ABCA3: variants seen among roughly 807,000 people sequenced by gnomAD.
ABCA3 encodes the protein phospholipid-transporting ATPase ABCA3.
ABCA3 carries 88 observed loss-of-function variants against 172.8 expected under a neutral mutation model. The observed-to-expected ratio is 0.51, with a 90% confidence interval of 0.43 to 0.61. ABCA3 has a LOEUF of 0.61. ABCA3 is among the 20% of genes least tolerant of loss of function. The probability of loss-of-function intolerance (pLI) is 0.00; values close to 1 mark genes in which losing one functional copy is unlikely to be tolerated. For missense variants in ABCA3, 2,164 were observed against 2,301.0 expected (o/e 0.94, Z 1.22); for synonymous variants, 1,066 against 983.8 (o/e 1.08, Z -1.56).
rs1006584887 is a variant in ABCA3 at position 2,329,873 on chromosome 16, T to G, written c.-538-19A>C. 1 of 152,188 alleles carries G rather than the reference T, an allele frequency of 6.6e-6. No homozygotes were observed. The highest frequency in any genetic ancestry group is 1.5e-5 in the Non-Finnish European group (1 of 68,038). 9.4% of individuals were successfully genotyped at this position (152,188 alleles called of 1,614,324 possible). ...CCAGCACCTTTGGACAGATGGAAGG[T>G]GTTTGAGTGTAATTTGGAAAATAAT... On this transcript the variant is annotated intron_variant, in intron 1 of 32. Coordinates refer to ENST00000301732, the MANE Select transcript of ABCA3 (RefSeq NM_001089.3).
At chr16:2,280,208 C>A (rs1488060237) in intron 28 of ABCA3, among the ~76,000 whole-genome samples, 1 of 152,232 alleles carries the variant, frequency 6.6e-6, no homozygotes, top group African/African-American at 2.4e-5. Context: ...GGTTTTCTCT[C>A]CCCTGCATAG....
chr16:2,289,761 T>A, intron 19 of ABCA3, 141 bp from the exon 20 acceptor site: 2 of 853,508 alleles, frequency 2.3e-6, no homozygotes, highest in Non-Finnish European at 3.6e-6. Context: ...GTTTCCTCAC[T>A]CATCAGTGTC....
chr16:2,303,404 G>A (rs1284227158), intron 12 of ABCA3, among the ~76,000 whole-genome samples: 2 of 151,894 alleles, frequency 1.3e-5, no homozygotes, highest in Non-Finnish European at 2.9e-5. Flanking sequence ...TGGGACTACA[G>A]GCACCCGCCA....
rs2093660381 is a variant in ABCA3, at chr16:2,284,891, G to A, written c.3591C>T (p.Tyr1197=). ...CCCCCAAGAAGAAGAAGTTCATCAG[G>A]TACATGAGGGGGATGATGGCCCAGC... ...LYGWAIIPLM[Y]LMNFFFLGAA... is the part of the protein sequence containing the mutation. Residue 1197 remains tyrosine, a synonymous_variant, in exon 24 of 33, where the codon TAC becomes TAT. Coordinates refer to ENST00000301732, the MANE Select transcript of ABCA3 (RefSeq NM_001089.3). This position sits in a 1 kb window ranked among gnomAD's most constrained non-coding sequence, Gnocchi z 5.9. 6.2e-7 allele frequency: 1 copy of A among 1,613,930 alleles called. No individual in the cohort carries two copies. Among genetic ancestry groups the A allele is most frequent in the Non-Finnish European group, 8.5e-7 (1 of 1,179,998 alleles).
rs139280320 is a variant in ABCA3 at position 2,319,223 on chromosome 16, C to T, written c.873+358G>A. ...ACCTCCGGCCGGGCACGGTGGCTCA[C>T]GCCTGTAATCCCAGCACTTCTGGAG... On this transcript the variant is annotated intron_variant, in intron 8 of 32. Coordinates refer to ENST00000301732, the MANE Select transcript of ABCA3 (RefSeq NM_001089.3). Among the ~76,000 whole-genome samples the T allele has an allele frequency of 9.0e-3, 1,367 of 152,176 alleles. 8 individuals carry two copies. The highest frequency in any genetic ancestry group is 0.015 in the Non-Finnish European group (1,039 of 68,006).
In ABCA3 at chr16:2,298,526, T is replaced by C; in HGVS notation, c.1756A>G (p.Thr586Ala). Reference sequence around the variant, plus strand: ...CCGCTGATGTATGCCCGTCCACTGGTGGGGGGAAAGAGACCTGGGGCCCAG... The same window carrying C: ...CCGCTGATGTATGCCCGTCCACTGGCGGGGGGAAAGAGACCTGGGGCCCAG... ...LSMLTGLFPP[T>A]SGRAYISGYE... Residue 586 changes from threonine to alanine, a missense_variant, in exon 15 of 33, where the codon ACC (threonine) becomes GCC (alanine). By Grantham distance (58) the Thr-to-Ala change is moderately conservative. This residue lies in a region of ABCA3 where 1,343 missense variants were observed against 1,369.6 expected (regional missense o/e 0.98). Transcript: ENST00000301732. The C allele has an allele frequency of 6.2e-7, 1 of 1,613,528 alleles. No individual in the cohort carries two copies. The highest frequency in any genetic ancestry group is 8.5e-7 in the Non-Finnish European group (1 of 1,179,960).
At position 2,289,616 on chromosome 16, in the gene ABCA3, C is replaced by T. The variant is rs1298369964; in HGVS notation, c.2518G>A (p.Gly840Arg). 7.1e-6 allele frequency: 11 copies of T among 1,549,388 alleles called. No homozygotes were observed. Among genetic ancestry groups the T allele is most frequent in the Admixed American group, 2.0e-5 (1 of 51,084 alleles). The change falls in exon 20 of 33, where the codon GGG becomes AGG. Residue 840 changes from glycine (G) to arginine (R), a missense_variant. Transcript: ENST00000301732. Reference protein sequence around the residue: ...TTMEEVFLRVGKLVDSSMDIQ... With the variant: ...TTMEEVFLRVRKLVDSSMDIQ... ...TCCATACTGCTGTCCACCAGCTTCC[C>T]GACCCTGTGCCGATACACACAGGGA...
Position 2,284,639 on chromosome 16 carries a change from C to A in ABCA3, c.3703+140G>T. 8.2e-7 allele frequency: 1 copy of A among 1,221,022 alleles called. No homozygotes were observed. The highest frequency in any genetic ancestry group is 1.2e-6 in the Non-Finnish European group (1 of 863,618). The allele number at this position is 1,221,022 out of a possible 1,614,324, so 75.6% of individuals were successfully genotyped here. On this transcript the variant is annotated intron_variant, in intron 24 of 32. Transcript: ENST00000301732. This position sits in a 1 kb window ranked among gnomAD's most constrained non-coding sequence, Gnocchi z 5.9. Reference sequence around the variant, plus strand: ...CCAGTCATGGCTAGCCGGGCAGGGCCAGCTGGGGCAGAGGGGCTGGTGAGC... The same window carrying A: ...CCAGTCATGGCTAGCCGGGCAGGGCAAGCTGGGGCAGAGGGGCTGGTGAGC...
chr16:2,283,096 A>T lies in ABCA3; in HGVS notation c.4035+90T>A. On this transcript the variant is annotated intron_variant, in intron 26 of 32. Coordinates refer to ENST00000301732, the MANE Select transcript of ABCA3 (RefSeq NM_001089.3). The surrounding 1 kb of genome is among the most constrained non-coding windows in gnomAD (Gnocchi z 5.4). ...CTGGTGCAGGAGCTGCCTGGTGGAG[A>T]AGGAGGTGGAGCTGCCCCAGGTTGT... 7.2e-7 allele frequency: 1 copy of T among 1,384,118 alleles called. No individual in the cohort carries two copies. The highest frequency in any genetic ancestry group is 1.0e-6 in the Non-Finnish European group (1 of 998,728). 85.7% of individuals were successfully genotyped at this position (1,384,118 alleles called of 1,614,324 possible). A position where few individuals can be genotyped will look rare whatever the true frequency, so the allele number is the denominator to read the frequency against.
Position 2,309,935 on chromosome 16 carries a change from C to CT in ABCA3, c.1112-1313dup, listed in dbSNP as rs1159667233. On this transcript the variant is annotated intron_variant, in intron 10 of 32. Coordinates refer to ENST00000301732, the MANE Select transcript of ABCA3 (RefSeq NM_001089.3). ...GTGCCCAGCCATCAAAATCTTTGGTCTTAAGACCCTTTTCTATCCTTAAAA... is the reference window on the plus strand; with the variant it reads ...GTGCCCAGCCATCAAAATCTTTGGTCTTTAAGACCCTTTTCTATCCTTAAAA... Among the ~76,000 whole-genome samples, 3 of 151,882 alleles carry CT rather than the reference C, an allele frequency of 2.0e-5. No individual in the cohort carries two copies. In the East Asian group the frequency reaches 5.8e-4, roughly 29 times the overall value.
At chr16:2,335,385 T>C (rs2093750209) in intron 1 of ABCA3, among the ~76,000 whole-genome samples, 1 of 152,094 alleles carries the variant, frequency 6.6e-6, no homozygotes, top group Non-Finnish European at 1.5e-5. Flanking sequence ...AGTGGTGTGA[T>C]CCTCCTGCCT....
At chr16:2,301,146 G>A (rs1196655084) in intron 12 of ABCA3, among the ~76,000 whole-genome samples, 1 of 149,782 alleles carries the variant, frequency 6.7e-6, no homozygotes, top group African/African-American at 2.5e-5. Flanking sequence ...CAGGAGAATG[G>A]CGTGAACCCG....
Position 2,317,759 on chromosome 16 carries a change from G to A in ABCA3, c.879C>T (p.Tyr293=). The part of the protein sequence containing the change: ...VQEKERRLKE[Y]MRMMGLSSWL... ...AGCTGCTGAGCCCCATCATGCGCATGTACTCCTGGGGAGAGAAGCCATCAC... is the reference window on the plus strand; with the variant it reads ...AGCTGCTGAGCCCCATCATGCGCATATACTCCTGGGGAGAGAAGCCATCAC... Residue 293 remains tyrosine (Y), a synonymous_variant, in exon 9 of 33, where the codon TAC becomes TAT. Transcript: ENST00000301732. 6.2e-7 allele frequency: 1 copy of A among 1,614,134 alleles called. No homozygotes were observed. The highest frequency in any genetic ancestry group is 8.5e-7 in the Non-Finnish European group (1 of 1,179,966).
rs1339684421 is a variant in ABCA3 at position 2,332,350 on chromosome 16, G to C, written c.-538-2496C>G. 6.5e-6 allele frequency: 5 copies of C among 772,444 alleles called. No individual in the cohort carries two copies. The East Asian group carries it at 1.2e-4, about 19-fold the overall frequency. 47.8% of individuals were successfully genotyped at this position (772,444 alleles called of 1,614,324 possible). A position where few individuals can be genotyped will look rare whatever the true frequency, so the allele number is the denominator to read the frequency against. On this transcript the variant is annotated intron_variant, in intron 1 of 32. Transcript: ENST00000301732. ...TTTCTAGTAGCGAGCACAGGCACCA[G>C]GGCTTCTAAACTTTTTGGACTCGCA...
Position 2,317,302 on chromosome 16 carries a change from G to C in ABCA3, c.1092C>G (p.Val364=). 1.2e-6 allele frequency: 2 copies of C among 1,614,034 alleles called. No homozygotes were observed. Among genetic ancestry groups the C allele is most frequent in the Non-Finnish European group, 1.7e-6 (2 of 1,180,028 alleles). ...GCTCACCTTTGCTGAAGAAGGTGCT[G>C]ACCATGAAGCTGAAGGAGATGGTAG... ...AISTISFSFM[V]STFFSKANMA... Residue 364 remains valine (V), a synonymous_variant, in exon 10 of 33, where the codon GTC becomes GTG. Coordinates refer to ENST00000301732, the MANE Select transcript of ABCA3 (RefSeq NM_001089.3).
At chr16:2,321,003 T>TA (rs11394825) in intron 7 of ABCA3, among the ~76,000 whole-genome samples, 17 of 151,548 alleles carry the variant, frequency 1.1e-4, no homozygotes, top group Non-Finnish European at 1.5e-4. Context: ...TTTTTTTTTT[T>TA]AAACCACCAT....
chr16:2,317,800 TC>T, intron 8 of ABCA3, 36 bp from the exon 9 acceptor site: 1 of 1,594,316 alleles, frequency 6.3e-7, no homozygotes, highest in Non-Finnish European at 8.6e-7. Flanking sequence ...TGGGGGCCCG[TC>T]ACTGCCCGCC....
intron 3 of ABCA3, 93 bp from the exon 4 acceptor site, chr16:2,326,585 T>A: frequency 7.5e-7 from 1 of 1,336,802 alleles, no homozygotes; most frequent in Non-Finnish European, 1.0e-6. Context: ...TTTTCCTCCA[T>A]GTCTCTCACC....
chr16:2,284,207 G>A lies in ABCA3; in HGVS notation c.3862+72C>T. 2 of 1,531,268 alleles carry A rather than the reference G, an allele frequency of 1.3e-6. No individual in the cohort carries two copies. The highest frequency in any genetic ancestry group is 1.8e-6 in the Non-Finnish European group (2 of 1,132,460). The allele number at this position is 1,531,268 out of a possible 1,614,324, so 94.9% of individuals were successfully genotyped here. A position where few individuals can be genotyped will look rare whatever the true frequency, so the allele number is the denominator to read the frequency against. ...CAGACGCAGAGGAGCCCCTGCCCTA[G>A]GAGGCCCCTCTGCAGTGACCACGTC... On this transcript the variant is annotated intron_variant, in intron 25 of 32. Transcript: ENST00000301732. This position sits in a 1 kb window ranked among gnomAD's most constrained non-coding sequence, Gnocchi z 5.9.
Sources: allele counts gnomAD v4.1 joint callset (sites outside exome capture counted in the v4.1 genomes callset), GRCh38; gene constraint gnomAD v4.1.1; regional missense constraint gnomAD v4.1.1; non-coding constraint Gnocchi (gnomAD v3.1); transcripts MANE v1.5; gene names NCBI Gene and HGNC (gene_info 2026-07-23, HGNC 2026-07-21).